The following PHF14 variants were observed in gnomAD, a reference collection of about 807,000 sequenced individuals.
PHF14 encodes PHD finger protein 14.
Under a neutral mutation model 117.9 loss-of-function variants are expected in PHF14, and 55 were observed. The observed-to-expected ratio is 0.47, with a 90% CI of 0.38 to 0.58. PHF14 has a LOEUF of 0.58. Ranked by LOEUF, PHF14 falls within the 20% of genes least tolerant of loss-of-function variation. The probability of loss-of-function intolerance (pLI) is 0.00; values close to 1 mark genes in which losing one functional copy is unlikely to be tolerated. For missense variants in PHF14, 978 were observed against 1,122.2 expected (o/e 0.87, Z 1.84); for synonymous variants, 409 against 368.6 (o/e 1.11, Z -1.26).
intron 17 of PHF14, among the ~76,000 whole-genome samples, chr7:11,145,644 A>G (rs1726801426): frequency 6.6e-6 from 1 of 151,988 alleles, no homozygotes; most frequent in African/African-American, 2.4e-5. Flanking sequence ...ATATTAATAT[A>G]CTTCATCGAA....
At chr7:11,094,759 TG>T (rs1786781459) in intron 16 of PHF14, among the ~76,000 whole-genome samples, 1 of 152,144 alleles carries the variant, frequency 6.6e-6, no homozygotes, top group Non-Finnish European at 1.5e-5. Context: ...TTCTTACTCA[TG>T]TAGTGTTGAG....
rs1392650958 is a variant in PHF14 at position 10,982,529 on chromosome 7, A to G, written c.270A>G (p.Leu90=). Residue 90 remains leucine (L), a synonymous_variant, in exon 3 of 18, where the codon CTA becomes CTG. Transcript: ENST00000634607. ...QLKNSAEEEV[L]SSEKQLIKME... is the part of the protein sequence containing the mutation. ...AAAATTCTGCAGAGGAAGAAGTACT[A>G]TCATCAGAAAAACAATTAATTAAAA... is the stretch of plus-strand genomic sequence containing the variant. The G allele has an allele frequency of 4.6e-6, 7 of 1,529,386 alleles. No homozygotes were observed. The highest frequency in any genetic ancestry group is 3.8e-5 in the Admixed American group (2 of 52,012). 94.7% of individuals were successfully genotyped at this position (1,529,386 alleles called of 1,614,324 possible). A position where few individuals can be genotyped will look rare whatever the true frequency, so the allele number is the denominator to read the frequency against.
At position 11,119,210 on chromosome 7, in the gene PHF14, T is replaced by A. The variant is rs557689009; in HGVS notation, c.2772+7743T>A. Among the ~76,000 whole-genome samples, 7 of 152,042 alleles carry A rather than the reference T, an allele frequency of 4.6e-5. No homozygotes were observed. In the South Asian group the frequency reaches 1.5e-3, roughly 32 times the overall value. ...CTTTTAAAAGTCGCAAACCTCATACTGTCCTGTAGTTTAAAATTTTTTTGT... is the reference window on the plus strand; with the variant it reads ...CTTTTAAAAGTCGCAAACCTCATACAGTCCTGTAGTTTAAAATTTTTTTGT... On this transcript the variant is annotated intron_variant, in intron 17 of 17. Coordinates refer to ENST00000634607, the MANE Select transcript of PHF14 (RefSeq NM_001007157.2).
intron 16 of PHF14, among the ~76,000 whole-genome samples, chr7:11,084,765 T>A (rs1332545049): frequency 1.3e-5 from 2 of 152,158 alleles, no homozygotes; most frequent in African/African-American, 4.8e-5. Flanking sequence ...ATAGCAGAGA[T>A]TTTTGTCAAT....
intron 14 of PHF14, among the ~76,000 whole-genome samples, chr7:11,057,220 A>T (rs1785049897): frequency 1.3e-5 from 2 of 152,148 alleles, no homozygotes; most frequent in South Asian, 4.1e-4. Context: ...TCATTTGCCA[A>T]ATGAATCATG....
At chr7:11,145,937 AT>A (rs1471307171) in intron 17 of PHF14, among the ~76,000 whole-genome samples, 4 of 151,972 alleles carry the variant, frequency 2.6e-5, no homozygotes, top group African/African-American at 9.7e-5. Context: ...ATTCTCATTA[AT>A]TTTTTTAAAG....
At chr7:10,994,368 G>A (rs1782559438) in intron 4 of PHF14, among the ~76,000 whole-genome samples, 1 of 152,320 alleles carries the variant, frequency 6.6e-6, no homozygotes, top group Admixed American at 6.5e-5. Context: ...GAACCCAGGA[G>A]GCAGAGGTTG....
At chr7:11,115,387 T>C (rs148365744) in intron 17 of PHF14, among the ~76,000 whole-genome samples, 1 of 152,178 alleles carries the variant, frequency 6.6e-6, no homozygotes, top group African/African-American at 2.4e-5. Context: ...AACATCTTTT[T>C]AAATTTTCAT....
At chr7:11,140,843 C>T (rs1323774353) in intron 17 of PHF14, among the ~76,000 whole-genome samples, 1 of 152,054 alleles carries the variant, frequency 6.6e-6, no homozygotes, top group Non-Finnish European at 1.5e-5. Flanking sequence ...CTTACTGACA[C>T]TGAGAAATGT....
intron 16 of PHF14, chr7:11,109,424 GTTTA>G (rs1203526527): frequency 6.6e-6 from 1 of 151,744 alleles, no homozygotes; most frequent in Non-Finnish European, 1.5e-5. Context: ...TATTTAATAT[GTTTA>G]TTTGATGAAA....
rs767189289 is a variant in PHF14 at position 10,980,726 on chromosome 7, T to G, written c.113-1646T>G. On this transcript the variant is annotated intron_variant, in intron 2 of 17. Transcript: ENST00000634607. ...TCTCATACTCTGTAAATAGGATTTATACTTTTCTCCGCAGAAATAATGTTT... is the reference window on the plus strand; with the variant it reads ...TCTCATACTCTGTAAATAGGATTTAGACTTTTCTCCGCAGAAATAATGTTT... 5.1e-4 allele frequency among the ~76,000 whole-genome samples: 78 copies of G among 152,224 alleles called. 1 individual carries two copies. Among genetic ancestry groups the G allele is most frequent in the Non-Finnish European group, 9.0e-4 (61 of 68,026 alleles).
In PHF14 at chr7:11,122,352, TACACACAC is replaced by T. The variant is rs747467173; in HGVS notation, c.2772+10911_2772+10918del. On this transcript the variant is annotated intron_variant, in intron 17 of 17. Transcript: ENST00000634607. ...CTTTTTATATATATATATATATATA[TACACACAC>T]ACACACACACACACACACACACACA... Among the ~76,000 whole-genome samples the T allele has an allele frequency of 3.3e-4, 22 of 65,872 alleles. 1 individual carries two copies. Among genetic ancestry groups the T allele is most frequent in the African/African-American group, 1.4e-3 (19 of 13,750 alleles). The allele number at this position is 65,872 out of a possible 152,430, so 43.2% of individuals were successfully genotyped here.
chr7:11,143,367 C>T lies in PHF14; in HGVS notation c.2773-26049C>T, dbSNP rs150160744. Among the ~76,000 whole-genome samples the T allele has an allele frequency of 6.4e-3, 966 of 150,534 alleles. 7 individuals are homozygous for T. The highest frequency in any genetic ancestry group is 0.031 in the Middle Eastern group (9 of 288). ...AGCCCCTGGGGTCAAGTGATTCTTC[C>T]GCCTCTGCCTCCGAAAATGCTAGGA... On this transcript the variant is annotated intron_variant, in intron 17 of 17. Coordinates refer to ENST00000634607, the MANE Select transcript of PHF14 (RefSeq NM_001007157.2).
At chr7:11,053,081 A>G (rs1784896194) in intron 14 of PHF14, among the ~76,000 whole-genome samples, 2 of 152,112 alleles carry the variant, frequency 1.3e-5, no homozygotes, top group South Asian at 4.1e-4. Flanking sequence ...CACAAGGGAG[A>G]TACAAAGATA....
chr7:11,090,141 T>C (rs564472719), intron 16 of PHF14, among the ~76,000 whole-genome samples: 1 of 152,344 alleles, frequency 6.6e-6, no homozygotes, highest in Non-Finnish European at 1.5e-5. Context: ...AAGCCTCAAG[T>C]GTGATTTAAT....
chr7:11,099,881 A>G (rs1787022960), intron 16 of PHF14, among the ~76,000 whole-genome samples: 1 of 152,102 alleles, frequency 6.6e-6, no homozygotes, highest in Non-Finnish European at 1.5e-5. Context: ...TAGCATCACT[A>G]CTAAGCAGCA....
At chr7:11,100,683 A>G (rs1473174838) in intron 16 of PHF14, among the ~76,000 whole-genome samples, 1 of 151,890 alleles carries the variant, frequency 6.6e-6, no homozygotes, top group Non-Finnish European at 1.5e-5. Flanking sequence ...CCTCATAACA[A>G]CTGCTTGAGA....
At position 11,035,724 on chromosome 7, in the gene PHF14, C is replaced by G; in HGVS notation, c.1540C>G (p.Leu514Val). 1.9e-6 allele frequency: 3 copies of G among 1,611,204 alleles called. No individual in the cohort carries two copies. The highest frequency in any genetic ancestry group is 1.1e-5 in the South Asian group (1 of 90,900). ...GTGGAAGAGAAAAAACTACTTGGCTCTACAGTCCTATTGTAAAATGTCTTT... is the reference window on the plus strand; with the variant it reads ...GTGGAAGAGAAAAAACTACTTGGCTGTACAGTCCTATTGTAAAATGTCTTT... ...RKWKRKNYLA[L>V]QSYCKMSLQE... The change falls in exon 8 of 18, where the codon CTA becomes GTA. Residue 514 changes from leucine to valine, a missense_variant. Around this residue, in one of 7 missense-constraint regions of PHF14, gnomAD observed 237 missense variants for 276.4 expected, o/e 0.86. Transcript: ENST00000634607.
At chr7:11,063,456 A>G (rs1785309753) in intron 16 of PHF14, 2 of 979,796 alleles carry the variant, frequency 2.0e-6, no homozygotes, top group Non-Finnish European at 2.4e-6. Flanking sequence ...ATGAACAAAA[A>G]TTTAATTCAG....
Sources: allele counts gnomAD v4.1 joint callset (sites outside exome capture counted in the v4.1 genomes callset), GRCh38; gene constraint gnomAD v4.1.1; regional missense constraint gnomAD v4.1.1; transcripts MANE v1.5; gene names NCBI Gene and HGNC (gene_info 2026-07-23, HGNC 2026-07-21).